TOP6BL: variants seen among roughly 807,000 people sequenced by gnomAD.
TOP6BL encodes the protein type 2 DNA topoisomerase 6 subunit B-like.
At chr11:66,763,716 A>G in the TOP6BL span, among the ~76,000 whole-genome samples, 1 of 152,082 alleles carries the variant, frequency 6.6e-6, no homozygotes, top group Non-Finnish European at 1.5e-5. Flanking sequence ...GCCATCCTCC[A>G]GCCTCAGCCT....
the TOP6BL span, among the ~76,000 whole-genome samples, chr11:66,745,248 G>C: frequency 6.6e-6 from 1 of 151,376 alleles, no homozygotes; most frequent in South Asian, 2.1e-4. Context: ...TCCATGCACC[G>C]GGTGCTGGGA....
At chr11:66,833,259 G>A in the TOP6BL span, among the ~76,000 whole-genome samples, 2 of 151,900 alleles carry the variant, frequency 1.3e-5, no homozygotes, top group Non-Finnish European at 2.9e-5. Context: ...ATGTTGGCCA[G>A]GCTGGTCTCG....
chr11:66,761,994 G>A, the TOP6BL span: 1 of 1,568,422 alleles, frequency 6.4e-7, no homozygotes, highest in Non-Finnish European at 8.8e-7. Flanking sequence ...AAATGTTGGT[G>A]GGATGCTGTT....
chr11:66,829,155 G>A, the TOP6BL span, among the ~76,000 whole-genome samples: 1 of 151,612 alleles, frequency 6.6e-6, no homozygotes, highest in Non-Finnish European at 1.5e-5. Flanking sequence ...GGAGGCCAAA[G>A]CAGGTGGATC....
At chr11:66,801,213 C>A in the TOP6BL span, 1 of 1,109,084 alleles carries the variant, frequency 9.0e-7, no homozygotes, top group South Asian at 1.4e-5. Flanking sequence ...TGCCAGGTGT[C>A]AGCTTCTCTA....
chr11:66,789,652 G>A, the TOP6BL span, among the ~76,000 whole-genome samples: 1 of 152,140 alleles, frequency 6.6e-6, no homozygotes, highest in Non-Finnish European at 1.5e-5. Context: ...TAGGAAATGA[G>A]GTTCTGTGTT....
chr11:66,796,152 T>G, the TOP6BL span: 1 of 639,088 alleles, frequency 1.6e-6, no homozygotes, highest in African/African-American at 1.8e-5. Context: ...TTCCCAAAGA[T>G]GTCTCCCTTT....
chr11:66,822,648 C>T, the TOP6BL span: 16 of 1,550,828 alleles, frequency 1.0e-5, no homozygotes, highest in Admixed American at 1.4e-4. Context: ...GAGCAGCTTC[C>T]GAAAGATGTG....
chr11:66,840,964 G>A, the TOP6BL span, among the ~76,000 whole-genome samples: 1 of 152,154 alleles, frequency 6.6e-6, no homozygotes, highest in Non-Finnish European at 1.5e-5. Flanking sequence ...CCAGCTGGGA[G>A]ATTCATTTGC....
chr11:66,804,619 A>G, the TOP6BL span, among the ~76,000 whole-genome samples: 2 of 152,204 alleles, frequency 1.3e-5, no homozygotes, highest in Non-Finnish European at 2.9e-5. Context: ...TAAGTAAATA[A>G]GTAAGTGAAC....
chr11:66,758,302 C>CTTTTTTTTTTTTTTCTTTTTTTTTT, the TOP6BL span: 1 of 67,318 alleles, frequency 1.5e-5, no homozygotes, highest in Non-Finnish European at 2.5e-5. Flanking sequence ...TTTTCTTTTT[C>CTTTTTTTTTTTTTTCTTTTTTTTTT]TTTTTTTTTT....
the TOP6BL span, among the ~76,000 whole-genome samples, chr11:66,817,021 C>T: frequency 4.7e-4 from 71 of 152,212 alleles, no homozygotes; most frequent in African/African-American, 1.7e-3. Context: ...GGCATGGTGG[C>T]AGCTTCTTGT....
the TOP6BL span, among the ~76,000 whole-genome samples, chr11:66,822,030 A>T: frequency 6.6e-6 from 1 of 152,208 alleles, no homozygotes; most frequent in Non-Finnish European, 1.5e-5. Flanking sequence ...AATGGCTGAT[A>T]ACACACCTCT....
the TOP6BL span, chr11:66,842,962 C>T: frequency 1.3e-6 from 2 of 1,552,394 alleles, no homozygotes; most frequent in South Asian, 2.4e-5. Flanking sequence ...CGCCCCGCGC[C>T]GCCCGGAAGC....
the TOP6BL span, among the ~76,000 whole-genome samples, chr11:66,821,054 T>C: frequency 6.6e-6 from 1 of 152,170 alleles, no homozygotes; most frequent in Non-Finnish European, 1.5e-5. Context: ...GGTTAATCCT[T>C]GGATAATGCA....
At chr11:66,768,579 CTGT>C in the TOP6BL span, among the ~76,000 whole-genome samples, 1 of 151,640 alleles carries the variant, frequency 6.6e-6, no homozygotes, top group African/African-American at 2.4e-5. Flanking sequence ...TCTAAACAGG[CTGT>C]TGTTGCCAAA....
chr11:66,785,356 T>C, the TOP6BL span, among the ~76,000 whole-genome samples: 32 of 152,220 alleles, frequency 2.1e-4, 1 homozygote, highest in Admixed American at 4.6e-4. Context: ...GTATAAAATA[T>C]AGATACTTAT....
the TOP6BL span, chr11:66,822,682 G>A: frequency 6.6e-7 from 1 of 1,525,358 alleles, no homozygotes; most frequent in Non-Finnish European, 8.9e-7. Context: ...CAAGTTAGTA[G>A]GAGATTGGGA....
chr11:66,788,102 A>C, the TOP6BL span: 3 of 1,241,512 alleles, frequency 2.4e-6, no homozygotes, highest in Admixed American at 3.6e-5. Context: ...CAAATCCAGA[A>C]ATCCTGGTTC....
Sources: allele counts gnomAD v4.1 joint callset (sites outside exome capture counted in the v4.1 genomes callset), GRCh38; gene constraint gnomAD v4.1.1; transcripts MANE v1.5; gene names NCBI Gene and HGNC (gene_info 2026-07-23, HGNC 2026-07-21).